Variants in IL7 observed in about 807,000 individuals in gnomAD.
The protein encoded by IL7 is interleukin-7.
IL7 carries 3 observed loss-of-function variants against 21.6 expected under a neutral mutation model. The observed-to-expected ratio is 0.14, with a 90% CI of 0.06 to 0.36. The LOEUF is 0.36. Ranked by LOEUF, IL7 falls within the 10% of genes least tolerant of loss-of-function variation. The pLI, the probability that IL7 is intolerant of heterozygous loss-of-function variation, is 1.00. For missense variants in IL7, 175 were observed against 200.2 expected (o/e 0.87, Z 0.76); for synonymous variants, 62 against 68.1 (o/e 0.91, Z 0.44).
At chr8:78,800,228 T>C (rs2130849552) in intron 1 of IL7, among the ~76,000 whole-genome samples, 1 of 152,346 alleles carries the variant, frequency 6.6e-6, no homozygotes, top group South Asian at 2.1e-4. Context: ...TCATCCATTT[T>C]GCTGCAAAAG....
At chr8:78,783,806 C>T (rs760657322) in intron 2 of IL7, among the ~76,000 whole-genome samples, 20 of 152,136 alleles carry the variant, frequency 1.3e-4, no homozygotes, top group Admixed American at 2.6e-4. Flanking sequence ...GGGGTGGTAA[C>T]AGGCAGATCA....
chr8:78,728,860 T>C (rs1811377160), downstream of IL7, among the ~76,000 whole-genome samples: 1 of 151,958 alleles, frequency 6.6e-6, no homozygotes, highest in Admixed American at 6.6e-5. Flanking sequence ...AAATATACCA[T>C]GGTTATGTAA....
At chr8:78,731,586 C>T (rs1811425545), downstream of IL7, among the ~76,000 whole-genome samples, 1 of 151,396 alleles carries the variant, frequency 6.6e-6, no homozygotes, top group Non-Finnish European at 1.5e-5. Context: ...TTGGGGCAAA[C>T]TTTAGAAAAT....
intron 3 of IL7, among the ~76,000 whole-genome samples, chr8:78,701,869 T>C (rs1447965411): frequency 6.6e-6 from 1 of 152,334 alleles, no homozygotes; most frequent in East Asian, 1.9e-4. Context: ...AGCTTGTTGA[T>C]GTGCTGCTGG....
chr8:78,745,831 G>T (rs927878555), intron 2 of IL7, among the ~76,000 whole-genome samples: 11 of 152,128 alleles, frequency 7.2e-5, no homozygotes, highest in African/African-American at 2.7e-4. Flanking sequence ...GGCTCTGGGA[G>T]AGCATGCATT....
chr8:78,757,428 C>T (rs1186501192), intron 2 of IL7, among the ~76,000 whole-genome samples: 6 of 151,866 alleles, frequency 4.0e-5, no homozygotes, highest in Admixed American at 3.9e-4. Context: ...AGATTAAGTC[C>T]AATATTTCTT....
intron 2 of IL7, among the ~76,000 whole-genome samples, chr8:78,740,303 A>G (rs761089916): frequency 1.3e-5 from 2 of 152,198 alleles, no homozygotes; most frequent in African/African-American, 4.8e-5. Flanking sequence ...AGCCCCTCCC[A>G]GATCCCATAA....
intron 2 of IL7, among the ~76,000 whole-genome samples, chr8:78,747,806 CCAATAACAG>C (rs1292217763): frequency 1.8e-4 from 28 of 152,182 alleles, no homozygotes; most frequent in Non-Finnish European, 1.3e-4. Flanking sequence ...AAACATTAAT[CCAATAACAG>C]CAATCAATTC....
chr8:78,722,778 A>G lies in IL7; in HGVS notation n.268-1338T>C, dbSNP rs535979043. ...ATACAAAACACCAAAAGTAATATAT[A>G]TACAGGACAAGCAAAATAGAACATT... On this transcript the variant is annotated intron_variant and non_coding_transcript_variant, in intron 3 of 6. Transcript: ENST00000519833. Among the ~76,000 whole-genome samples the G allele has an allele frequency of 5.3e-5, 8 of 152,102 alleles. No individual in the cohort carries two copies. In the East Asian group the frequency reaches 1.5e-3, roughly 29 times the overall value.
chr8:78,678,810 A>G (rs1455517562), intron 4 of IL7: 3 of 522,990 alleles, frequency 5.7e-6, no homozygotes, highest in African/African-American at 2.0e-5. Context: ...AATAAATACA[A>G]TTCTGTGTTA....
intron 2 of IL7, among the ~76,000 whole-genome samples, chr8:78,752,437 T>C (rs1360726190): frequency 6.6e-6 from 1 of 152,228 alleles, no homozygotes; most frequent in African/African-American, 2.4e-5. Flanking sequence ...TCAACACTTA[T>C]CTTTTGTCTT....
intron 2 of IL7, among the ~76,000 whole-genome samples, chr8:78,766,643 C>G (rs1001719731): frequency 6.6e-6 from 1 of 152,094 alleles, no homozygotes; most frequent in South Asian, 2.1e-4. Flanking sequence ...GTCAAACATA[C>G]TAGAACAATT....
At chr8:78,719,551 T>C (rs1002910666) in intron 5 of IL7, 1 of 151,856 alleles carries the variant, frequency 6.6e-6, no homozygotes, top group Non-Finnish European at 1.5e-5. Context: ...TATTTTATTT[T>C]TATTTATTTT....
At chr8:78,724,896 T>C (rs1458952045) in intron 3 of IL7, among the ~76,000 whole-genome samples, 1 of 152,026 alleles carries the variant, frequency 6.6e-6, no homozygotes, top group Non-Finnish European at 1.5e-5. Flanking sequence ...TTGGCTCAGA[T>C]ACCATATTTT....
intron 2 of IL7, among the ~76,000 whole-genome samples, chr8:78,775,441 G>A (rs1813100750): frequency 6.6e-6 from 1 of 152,108 alleles, no homozygotes; most frequent in African/African-American, 2.4e-5. Flanking sequence ...CTACATCAGT[G>A]CAATGAAAAG....
chr8:78,748,945 T>C (rs1485229164), intron 2 of IL7, among the ~76,000 whole-genome samples: 1 of 152,184 alleles, frequency 6.6e-6, no homozygotes, highest in Non-Finnish European at 1.5e-5. Context: ...CAGGTAATGT[T>C]CATAAACAAG....
intron 3 of IL7, among the ~76,000 whole-genome samples, chr8:78,689,737 A>G (rs1454608762): frequency 6.6e-6 from 1 of 152,134 alleles, no homozygotes; most frequent in Admixed American, 6.5e-5. Context: ...TATATTAAGA[A>G]TATTTTCTCC....
At chr8:78,749,337 C>T (rs1586067042) in intron 2 of IL7, among the ~76,000 whole-genome samples, 1 of 151,868 alleles carries the variant, frequency 6.6e-6, no homozygotes, top group East Asian at 1.9e-4. Flanking sequence ...TCTACTTTTC[C>T]ATTTGGCATA....
intron 3 of IL7, among the ~76,000 whole-genome samples, chr8:78,708,188 A>G (rs1307104339): frequency 6.6e-6 from 1 of 152,216 alleles, no homozygotes; most frequent in African/African-American, 2.4e-5. Context: ...AATGCTCAAT[A>G]AATTGAGCAT....
Sources: gnomAD v4.1 joint callset for allele counts (sites outside exome capture counted in the v4.1 genomes callset) on GRCh38, gnomAD v4.1.1 for gene constraint, MANE v1.5 for transcripts, NCBI Gene and HGNC (gene_info 2026-07-23, HGNC 2026-07-21) for gene names.